Variants in MYBPC3 observed in about 807,000 individuals in gnomAD.
MYBPC3 encodes myosin binding protein C3.
A neutral mutation model predicts 159.3 loss-of-function variants in MYBPC3; 108 were observed. The observed-to-expected ratio is 0.68, with a 90% CI of 0.58 to 0.80. The LOEUF (loss-of-function observed/expected upper bound fraction) is 0.80. MYBPC3 is among the 30% of genes least tolerant of loss of function. The pLI is 0.00. For missense variants in MYBPC3, 1,631 were observed against 1,762.1 expected (o/e 0.93, Z 1.33); for synonymous variants, 730 against 702.0 (o/e 1.04, Z -0.63).
rs397515907 is a variant in MYBPC3 at position 47,342,697 on chromosome 11, C to T, written c.1505G>A (p.Arg502Gln). ...GTGTCTCTGCCCGTCCTTCTTGAAC[C>T]GGTATTTGAAGGTCTCCTCCCGGGT... Reference protein sequence around the residue: ...ELTREETFKYRFKKDGQRHHL... With the variant: ...ELTREETFKYQFKKDGQRHHL... Residue 502 changes from arginine (R) to glutamine (Q), a missense_variant, in exon 17 of 35, where the codon CGG (arginine) becomes CAG (glutamine). By Grantham distance (43) the Arg-to-Gln change is conservative (BLOSUM62 1). Coordinates refer to ENST00000545968, the MANE Select transcript of MYBPC3 (RefSeq NM_000256.3). The T allele has an allele frequency of 6.8e-6, 11 of 1,613,898 alleles. No homozygotes were observed. Among genetic ancestry groups the T allele is most frequent in the African/African-American group, 6.7e-5 (5 of 74,922 alleles).
chr11:47,346,619 G>A lies in MYBPC3; in HGVS notation c.926+8C>T, dbSNP rs377595584. The A allele has an allele frequency of 7.1e-4, 1,134 of 1,586,860 alleles. 2 individuals carry two copies. Among genetic ancestry groups the A allele is most frequent in the Non-Finnish European group, 8.4e-4 (983 of 1,165,914 alleles). ...TGATGAGGGTGCTGTGCTATGTTGG[G>A]CACTCACCTCGGGGTCCGGAAACTG... On this transcript the variant is annotated splice_region_variant and intron_variant, in intron 11 of 34. Coordinates refer to ENST00000545968, the MANE Select transcript of MYBPC3 (RefSeq NM_000256.3). The surrounding 1 kb of genome is among the most constrained non-coding windows in gnomAD (Gnocchi z 5.3).
chr11:47,336,076 A>G, intron 25 of MYBPC3, 65 bp from the exon 26 acceptor site: 1 of 1,362,068 alleles, frequency 7.3e-7, no homozygotes, highest in Non-Finnish European at 9.5e-7. Flanking sequence ...TCCATGCCCT[A>G]GACTCTGAAC....
chr11:47,339,760 C>G lies in MYBPC3; in HGVS notation c.1958G>C (p.Gly653Ala). 6.2e-7 allele frequency: 1 copy of G among 1,613,888 alleles called. No individual in the cohort carries two copies. The highest frequency in any genetic ancestry group is 8.5e-7 in the Non-Finnish European group (1 of 1,179,796). ...AACCACAATGGTGTCTGGTATGCGG[C>G]CTGGGCAGTCCAGGTGGATCTTGGG... ...EPPKIHLDCP[G>A]RIPDTIVVVA... Residue 653 changes from glycine (G) to alanine (A), a missense_variant, in exon 21 of 35, where the codon GGC becomes GCC. By Grantham distance (60) the Gly-to-Ala change is moderately conservative. Coordinates refer to ENST00000545968, the MANE Select transcript of MYBPC3 (RefSeq NM_000256.3).
intron 17 of MYBPC3, 124 bp downstream of exon 17, chr11:47,342,454 G>T: frequency 7.9e-7 from 1 of 1,260,052 alleles, no homozygotes; most frequent in Non-Finnish European, 1.1e-6. Flanking sequence ...GGTTTAGGCT[G>T]TCAAAGGCCC....
chr11:47,332,443 C>A lies in MYBPC3; in HGVS notation c.3627+123G>T. 1.4e-6 allele frequency: 2 copies of A among 1,474,566 alleles called. No individual in the cohort carries two copies. The highest frequency in any genetic ancestry group is 2.1e-5 in the Admixed American group (1 of 48,546). The allele number at this position is 1,474,566 out of a possible 1,614,324, so 91.3% of individuals were successfully genotyped here. A position where few individuals can be genotyped will look rare whatever the true frequency, so the allele number is the denominator to read the frequency against. On this transcript the variant is annotated intron_variant, in intron 32 of 34. Coordinates refer to ENST00000545968, the MANE Select transcript of MYBPC3 (RefSeq NM_000256.3). The surrounding 1 kb of genome is among the most constrained non-coding windows in gnomAD (Gnocchi z 4.2). ...ATGGCCCTGCCCAGGGGGAGGAACC[C>A]GGTCCATACACCCCAAGGTGGAGAG...
intron 25 of MYBPC3, among the ~76,000 whole-genome samples, chr11:47,336,642 C>G (rs1467781494): frequency 6.6e-6 from 1 of 152,202 alleles, no homozygotes; most frequent in South Asian, 2.1e-4. Flanking sequence ...CCACAGGCCC[C>G]GATTCCTGCC....
chr11:47,342,045 T>C lies in MYBPC3; in HGVS notation c.1736A>G (p.Lys579Arg). The change falls in exon 18 of 35, where the codon AAG becomes AGG. Residue 579 changes from lysine (K) to arginine (R), a missense_variant. By Grantham distance (26) the Lys-to-Arg change is conservative. Transcript: ENST00000545968. ...GTCGGGCACCAGCTCCTTCCCATTC[T>C]TCAGCCACACACCCCGAACATTCTC... ...SDENVRGVWL[K>R]NGKELVPDSR... The C allele has an allele frequency of 5.6e-6, 9 of 1,609,146 alleles. No homozygotes were observed. Among genetic ancestry groups the C allele is most frequent in the Non-Finnish European group, 5.9e-6 (7 of 1,177,618 alleles).
At position 47,332,429 on chromosome 11, in the gene MYBPC3, C is replaced by T; in HGVS notation, c.3627+137G>A. 2.1e-6 allele frequency: 3 copies of T among 1,445,468 alleles called. No individual in the cohort carries two copies. The highest frequency in any genetic ancestry group is 1.4e-5 in the African/African-American group (1 of 70,838). The allele number at this position is 1,445,468 out of a possible 1,614,324, so 89.5% of individuals were successfully genotyped here. A position where few individuals can be genotyped will look rare whatever the true frequency, so the allele number is the denominator to read the frequency against. On this transcript the variant is annotated intron_variant, in intron 32 of 34. Coordinates refer to ENST00000545968, the MANE Select transcript of MYBPC3 (RefSeq NM_000256.3). This position sits in a 1 kb window ranked among gnomAD's most constrained non-coding sequence, Gnocchi z 4.2. ...CAAGAGTGAGTACCATGGCCCTGCC[C>T]AGGGGGAGGAACCCGGTCCATACAC...
chr11:47,332,354 G>T lies in MYBPC3; in HGVS notation c.3628-96C>A. On this transcript the variant is annotated intron_variant, in intron 32 of 34. Transcript: ENST00000545968. This position sits in a 1 kb window ranked among gnomAD's most constrained non-coding sequence, Gnocchi z 4.2. ...ACACATCTGTGTTTCTACTCGGGGG[G>T]TCCCACGAGAGTCCCTGACTATGCC... The T allele has an allele frequency of 2.0e-6, 3 of 1,475,910 alleles. 1 individual carries two copies. The highest frequency in any genetic ancestry group is 2.3e-5 in the South Asian group (2 of 86,008). 91.4% of individuals were successfully genotyped at this position (1,475,910 alleles called of 1,614,324 possible).
At chr11:47,335,633 A>G (rs1282500895) in intron 26 of MYBPC3, 1 of 412,622 alleles carries the variant, frequency 2.4e-6, no homozygotes, top group Admixed American at 4.2e-5. Context: ...GGCCTTAAAT[A>G]TGTTTTTAAA....
At chr11:47,339,146 A>G (rs2095885662) in intron 22 of MYBPC3, among the ~76,000 whole-genome samples, 178 bp downstream of exon 22, 2 of 152,180 alleles carry the variant, frequency 1.3e-5, no homozygotes, top group Admixed American at 6.5e-5. Context: ...GGCCATCAGC[A>G]CACTTCACAG....
Position 47,340,861 on chromosome 11 carries a change from G to C in MYBPC3, c.1927+142C>G, listed in dbSNP as rs1250881357. The C allele has an allele frequency of 3.2e-6, 3 of 944,280 alleles. No individual in the cohort carries two copies. In the Admixed American group the frequency reaches 1.0e-4, roughly 31 times the overall value. 58.5% of individuals were successfully genotyped at this position (944,280 alleles called of 1,614,324 possible). On this transcript the variant is annotated intron_variant, in intron 20 of 34. Coordinates refer to ENST00000545968, the MANE Select transcript of MYBPC3 (RefSeq NM_000256.3). ...TCACAGAGATTATAATTGACCCATG[G>C]TCATGAGTGGCAAAGCTGAAGCTGG...
intron 27 of MYBPC3, 136 bp from the exon 28 acceptor site, chr11:47,334,146 T>C: frequency 1.2e-6 from 1 of 810,512 alleles, no homozygotes; most frequent in Non-Finnish European, 1.9e-6. Flanking sequence ...TGCGCCTCCT[T>C]TAGCTCCTGC....
At chr11:47,344,558 C>T (rs777515649) in intron 12 of MYBPC3, among the ~76,000 whole-genome samples, 1 of 152,210 alleles carries the variant, frequency 6.6e-6, no homozygotes, top group Non-Finnish European at 1.5e-5. Flanking sequence ...GCTCCATCCA[C>T]CGAGCAGAGA....
Position 47,341,047 on chromosome 11 carries a change from A to G in MYBPC3, c.1898-15T>C, listed in dbSNP as rs755790202. 1 of 1,575,738 alleles carries G rather than the reference A, an allele frequency of 6.3e-7. No individual in the cohort carries two copies. The highest frequency in any genetic ancestry group is 1.8e-5 in the Admixed American group (1 of 54,398). ...AATCTTGACCTCTGCAAGAGAAGGA[A>G]GAGCAAGTAGCACGGGGGCAAAGGC... On this transcript the variant is annotated splice_polypyrimidine_tract_variant and intron_variant, in intron 19 of 34. Coordinates refer to ENST00000545968, the MANE Select transcript of MYBPC3 (RefSeq NM_000256.3).
chr11:47,341,221 T>TCG lies in MYBPC3; in HGVS notation c.1812_1813dup (p.Asp605AlafsTer59), dbSNP rs764743402. ...GTCAGCCTCGTCGGCAGGTGTGACG[T>TCG]CGTCAATGGTCAGTTTGTGGACCCT... On this transcript the variant is annotated frameshift_variant, in exon 19 of 35. Coordinates refer to ENST00000545968, the MANE Select transcript of MYBPC3 (RefSeq NM_000256.3). LOFTEE classifies it high-confidence loss of function. 1 of 1,593,362 alleles carries TCG rather than the reference T, an allele frequency of 6.3e-7. No homozygotes were observed. The highest frequency in any genetic ancestry group is 1.3e-5 in the African/African-American group (1 of 74,600).
At chr11:47,349,402 A>T (rs2142867288) in intron 5 of MYBPC3, among the ~76,000 whole-genome samples, 1 of 152,198 alleles carries the variant, frequency 6.6e-6, no homozygotes, top group South Asian at 2.1e-4. Context: ...ATACTCACCC[A>T]TCCAGGGGCT....
Position 47,351,184 on chromosome 11 carries a change from G to A in MYBPC3, c.292+55C>T, listed in dbSNP as rs2095900441. 1 of 1,436,780 alleles carries A rather than the reference G, an allele frequency of 7.0e-7. No individual in the cohort carries two copies. The highest frequency in any genetic ancestry group is 2.6e-5 in the East Asian group (1 of 39,038). The allele number at this position is 1,436,780 out of a possible 1,614,324, so 89.0% of individuals were successfully genotyped here. On this transcript the variant is annotated intron_variant, in intron 2 of 34. Transcript: ENST00000545968. This position sits in a 1 kb window ranked among gnomAD's most constrained non-coding sequence, Gnocchi z 4.2. ...TTCCCTGGATGGATGGAGAGTCGCT[G>A]GGCTGCCCCTCCCCCAGCAGCCCAA...
intron 5 of MYBPC3, 32 bp from the exon 6 acceptor site, chr11:47,348,573 A>T: frequency 6.4e-7 from 1 of 1,554,022 alleles, no homozygotes; most frequent in Non-Finnish European, 8.8e-7. Flanking sequence ...GCGTCAGGGG[A>T]CACCAGGGGC....
Sources: allele counts gnomAD v4.1 joint callset (sites outside exome capture counted in the v4.1 genomes callset), GRCh38; gene constraint gnomAD v4.1.1; non-coding constraint Gnocchi (gnomAD v3.1); transcripts MANE v1.5; gene names NCBI Gene and HGNC (gene_info 2026-07-23, HGNC 2026-07-21).